The following PPP1R10 variants were observed in gnomAD, a reference collection of about 807,000 sequenced individuals.
The protein encoded by PPP1R10 is protein phosphatase 1 regulatory subunit 10.
In PPP1R10, 15 loss-of-function variants were observed where a neutral mutation model predicts 99.0. That is an observed-to-expected ratio of 0.15 (90% confidence interval 0.10 to 0.23). The LOEUF (loss-of-function observed/expected upper bound fraction) is 0.23. Ranked by LOEUF, PPP1R10 falls within the 10% of genes least tolerant of loss-of-function variation. The probability of loss-of-function intolerance (pLI) is 1.00; values close to 1 mark genes in which losing one functional copy is unlikely to be tolerated. For synonymous variants in PPP1R10, 430 were observed against 449.5 expected, an observed-to-expected ratio of 0.96 and a Z score of 0.55; for missense variants, 947 against 1,259.4, an observed-to-expected ratio of 0.75 and a Z score of 3.75.
chr6:30,603,239 T>G lies in PPP1R10; in HGVS notation c.1814A>C (p.Asp605Ala), dbSNP rs370422004. 1 of 1,613,882 alleles carries G rather than the reference T, an allele frequency of 6.2e-7. No homozygotes were observed. The highest frequency in any genetic ancestry group is 8.5e-7 in the Non-Finnish European group (1 of 1,179,774). ...CATCTGCTTGATCTTGTCCGAATAG[T>G]CTGGTTGTTTCAGTAGTTCCTCTGA... Reference protein sequence around the residue: ...HPSEELLKQPDYSDKIKQMLV... With the variant: ...HPSEELLKQPAYSDKIKQMLV... Residue 605 changes from aspartate to alanine, a missense_variant, in exon 17 of 20, where the codon GAC becomes GCC. Coordinates refer to ENST00000376511, the MANE Select transcript of PPP1R10 (RefSeq NM_002714.4).
rs1490397663 is a variant in PPP1R10 at position 30,602,416 on chromosome 6, T to C, written c.2233A>G (p.Met745Val). 2 of 1,609,854 alleles carry C rather than the reference T, an allele frequency of 1.2e-6. No homozygotes were observed. The highest frequency in any genetic ancestry group is 1.7e-6 in the Non-Finnish European group (2 of 1,178,168). ...PNGRGGPGGG[M>V]VGGGGHRPHE... is the part of the protein sequence containing the mutation. ...GGACGATGCCCACCACCTCCAACCA[T>C]GCCCCCACCAGGGCCCCCTCGTCCA... The change falls in exon 19 of 20, where the codon ATG becomes GTG. Residue 745 changes from methionine to valine, a missense_variant. Coordinates refer to ENST00000376511, the MANE Select transcript of PPP1R10 (RefSeq NM_002714.4). This position sits in a 1 kb window ranked among gnomAD's most constrained non-coding sequence, Gnocchi z 6.7.
chr6:30,603,377 T>C, intron 16 of PPP1R10, 92 bp from the exon 17 acceptor site: 20 of 1,573,914 alleles, frequency 1.3e-5, no homozygotes, highest in Non-Finnish European at 1.7e-5. Flanking sequence ...AGTGGGTAGA[T>C]GTGGAGAACT....
In PPP1R10 at chr6:30,609,310, G is replaced by A; in HGVS notation, c.108-147C>T. ...AGTCACATATACCTCTAGGAAGATG[G>A]GATGGATCCAGTGTGACATGGAAAC... On this transcript the variant is annotated intron_variant, in intron 3 of 19. Coordinates refer to ENST00000376511, the MANE Select transcript of PPP1R10 (RefSeq NM_002714.4). This position sits in a 1 kb window ranked among gnomAD's most constrained non-coding sequence, Gnocchi z 4.5. 1 of 685,052 alleles carries A rather than the reference G, an allele frequency of 1.5e-6. No homozygotes were observed. The highest frequency in any genetic ancestry group is 2.7e-5 in the East Asian group (1 of 37,046). 42.4% of individuals were successfully genotyped at this position (685,052 alleles called of 1,614,324 possible).
At position 30,601,469 on chromosome 6, in the gene PPP1R10, C is replaced by A; in HGVS notation, c.*80G>T. ...TCAGCTGGGGAAAAGGGAAAATGGG[C>A]CTCACAGAAGCCATAACAGGGTGGA... On this transcript the variant is annotated 3_prime_UTR_variant, in exon 20 of 20. Coordinates refer to ENST00000376511, the MANE Select transcript of PPP1R10 (RefSeq NM_002714.4). The A allele has an allele frequency of 8.2e-7, 1 of 1,224,214 alleles. No individual in the cohort carries two copies. The highest frequency in any genetic ancestry group is 1.2e-6 in the Non-Finnish European group (1 of 850,008). 75.8% of individuals were successfully genotyped at this position (1,224,214 alleles called of 1,614,324 possible). A position where few individuals can be genotyped will look rare whatever the true frequency, so the allele number is the denominator to read the frequency against.
At chr6:30,615,862 A>G (rs1760452970) in intron 2 of PPP1R10, among the ~76,000 whole-genome samples, 1 of 152,154 alleles carries the variant, frequency 6.6e-6, no homozygotes, top group South Asian at 2.1e-4. Context: ...TTATTCCTAG[A>G]TTGCCACCTA....
Position 30,606,196 on chromosome 6 carries a change from T to C in PPP1R10, c.682A>G (p.Ser228Gly). Reference protein sequence around the residue: ...PSLVPVKKNASTVVVSDKYNL... With the variant: ...PSLVPVKKNAGTVVVSDKYNL... Reference sequence around the variant, plus strand: ...TACTTGTCAGAAACCACCACTGTGCTGGCATTCTTCTTCACAGGCACCAAG... The same window carrying C: ...TACTTGTCAGAAACCACCACTGTGCCGGCATTCTTCTTCACAGGCACCAAG... The change falls in exon 9 of 20, where the codon AGC becomes GGC. Residue 228 changes from serine to glycine, a missense_variant. This residue lies in a region of PPP1R10 where 92 missense variants were observed against 159.2 expected (regional missense o/e 0.58). Transcript: ENST00000376511. This position sits in a 1 kb window ranked among gnomAD's most constrained non-coding sequence, Gnocchi z 6.3. 2 of 1,614,184 alleles carry C rather than the reference T, an allele frequency of 1.2e-6. No individual in the cohort carries two copies. Among genetic ancestry groups the C allele is most frequent in the Non-Finnish European group, 1.7e-6 (2 of 1,180,018 alleles).
chr6:30,604,319 A>C lies in PPP1R10; in HGVS notation c.1261+34T>G, dbSNP rs1803690295. 6.2e-7 allele frequency: 1 copy of C among 1,614,038 alleles called. No individual in the cohort carries two copies. Among genetic ancestry groups the C allele is most frequent in the Non-Finnish European group, 8.5e-7 (1 of 1,179,892 alleles). On this transcript the variant is annotated intron_variant, in intron 13 of 19. Transcript: ENST00000376511. The surrounding 1 kb of genome is among the most constrained non-coding windows in gnomAD (Gnocchi z 7.3). ...CAACCAAGTCCTTTCAAAATCCCTT[A>C]AACACACCTATTACGTAGGAAATGA...
In PPP1R10 at chr6:30,602,628, CG is replaced by C; in HGVS notation, c.2020del (p.Arg674GlyfsTer243). 1.3e-6 allele frequency: 2 copies of C among 1,591,824 alleles called. No individual in the cohort carries two copies. Among genetic ancestry groups the C allele is most frequent in the Admixed American group, 1.8e-5 (1 of 56,624 alleles). ...GCCATCCCAGAAGGGATCACCTCCC[CG>C]GGGAGGGGGTGGAGGACCCAGAAGA... Reference protein sequence around the residue: ...PRLLGPPPPPRGGDPFWDGPG... With the variant: ...PRLLGPPPPPXGGDPFWDGPG... On this transcript the variant is annotated frameshift_variant, in exon 19 of 20. Transcript: ENST00000376511. LOFTEE classifies it high-confidence loss of function. The surrounding 1 kb of genome is among the most constrained non-coding windows in gnomAD (Gnocchi z 6.7).
At position 30,614,861 on chromosome 6, in the gene PPP1R10, C is replaced by CAA. The variant is rs1760290597; in HGVS notation, c.-12+1616_-12+1617insTT. On this transcript the variant is annotated intron_variant, in intron 2 of 19. Transcript: ENST00000376511. ...TGGTTCTATAAAAACTAGAACTACA[C>CAA]AGAGATGGACAGCCTTGATACTTAA... Among the ~76,000 whole-genome samples, 3 of 152,328 alleles carry CAA rather than the reference C, an allele frequency of 2.0e-5. No individual in the cohort carries two copies. The South Asian group carries it at 6.2e-4, about 32-fold the overall frequency.
In PPP1R10 at chr6:30,601,980, C is replaced by G; in HGVS notation, c.2669G>C (p.Gly890Ala). 3.3e-6 allele frequency: 5 copies of G among 1,512,292 alleles called. No individual in the cohort carries two copies. Among genetic ancestry groups the G allele is most frequent in the Non-Finnish European group, 4.4e-6 (5 of 1,131,226 alleles). 93.7% of individuals were successfully genotyped at this position (1,512,292 alleles called of 1,614,324 possible). A position where few individuals can be genotyped will look rare whatever the true frequency, so the allele number is the denominator to read the frequency against. ...HRGHDGPGHG[G>A]GGHRGHDGGH... ...TCCATCGTGCCCTCGGTGGCCCCCT[C>G]CCCCGTGGCCAGGACCATCATGGCC... is the stretch of plus-strand genomic sequence containing the variant. The change falls in exon 19 of 20, where the codon GGA becomes GCA. Residue 890 changes from glycine to alanine, a missense_variant. Gly to Ala is a moderately conservative substitution (Grantham distance 60). Coordinates refer to ENST00000376511, the MANE Select transcript of PPP1R10 (RefSeq NM_002714.4).
intron 2 of PPP1R10, among the ~76,000 whole-genome samples, chr6:30,610,834 GC>G (rs1804480046): frequency 6.6e-6 from 1 of 152,204 alleles, no homozygotes; most frequent in Non-Finnish European, 1.5e-5. Flanking sequence ...AAAGCCAAAT[GC>G]TAGAAAAATT....
chr6:30,604,370 A>C lies in PPP1R10; in HGVS notation c.1244T>G (p.Leu415Trp), dbSNP rs377762218. 6.2e-7 allele frequency: 1 copy of C among 1,614,030 alleles called. No individual in the cohort carries two copies. The highest frequency in any genetic ancestry group is 8.5e-7 in the Non-Finnish European group (1 of 1,180,042). Reference protein sequence around the residue: ...GKLREYFYFELDETERVNVNK... With the variant: ...GKLREYFYFEWDETERVNVNK... ...CCTCTTACCTCGTTCAGTTTCATCC[A>C]ATTCAAAATAGAAATATTCTCTCAG... Residue 415 changes from leucine to tryptophan, a missense_variant, in exon 13 of 20, where the codon TTG becomes TGG. Leu to Trp is a moderately conservative substitution (Grantham distance 61). Transcript: ENST00000376511. This position sits in a 1 kb window ranked among gnomAD's most constrained non-coding sequence, Gnocchi z 7.3.
At chr6:30,608,676 T>C (rs1804225874) in intron 5 of PPP1R10, 103 bp downstream of exon 5, 1 of 1,376,672 alleles carries the variant, frequency 7.3e-7, no homozygotes, top group Middle Eastern at 2.1e-4. Flanking sequence ...TCTGCTGTTC[T>C]ACCTCACAGG....
intron 4 of PPP1R10, 33 bp from the exon 5 acceptor site, chr6:30,608,947 C>A (rs776769419): frequency 1.2e-6 from 2 of 1,613,758 alleles, no homozygotes; most frequent in Non-Finnish European, 1.7e-6. Context: ...ATCAGTAATG[C>A]CCTTTCTAGG....
intron 2 of PPP1R10, among the ~76,000 whole-genome samples, chr6:30,613,697 C>A (rs1804784226): frequency 6.6e-6 from 1 of 152,170 alleles, no homozygotes; most frequent in Admixed American, 6.5e-5. Context: ...CCAAGATTTT[C>A]TGAATGGATG....
intron 14 of PPP1R10, 22 bp downstream of exon 14, chr6:30,603,986 G>T: frequency 6.4e-7 from 1 of 1,561,854 alleles, no homozygotes; most frequent in Non-Finnish European, 8.7e-7. Flanking sequence ...ACATCCCAGG[G>T]CACGAACCCC....
chr6:30,606,166 G>A lies in PPP1R10; in HGVS notation c.712C>T (p.Leu238Phe). 3 of 1,614,154 alleles carry A rather than the reference G, an allele frequency of 1.9e-6. No homozygotes were observed. The highest frequency in any genetic ancestry group is 2.5e-6 in the Non-Finnish European group (3 of 1,180,026). ...STVVVSDKYN[L>F]KPIPLKRQSN... ...TGACGTTTGAGGGGGATGGGTTTAA[G>A]GTTGTACTTGTCAGAAACCACCACT... Residue 238 changes from leucine to phenylalanine, a missense_variant, in exon 9 of 20, where the codon CTT becomes TTT. Physicochemically the swap from Leu to Phe is conservative, Grantham distance 22. Around this residue, in one of 10 missense-constraint regions of PPP1R10, gnomAD observed 92 missense variants for 159.2 expected, o/e 0.58. Transcript: ENST00000376511. This position sits in a 1 kb window ranked among gnomAD's most constrained non-coding sequence, Gnocchi z 6.3.
Position 30,605,053 on chromosome 6 carries a change from G to A in PPP1R10, c.895C>T (p.Pro299Ser). The A allele has an allele frequency of 6.2e-7, 1 of 1,612,946 alleles. No homozygotes were observed. The highest frequency in any genetic ancestry group is 8.5e-7 in the Non-Finnish European group (1 of 1,179,992). ...TTCTTAATTTTGATGCCTGGAACAGGGGCTGAATTAAGAGCATCCAGAAAG... is the reference window on the plus strand; with the variant it reads ...TTCTTAATTTTGATGCCTGGAACAGAGGCTGAATTAAGAGCATCCAGAAAG... ...LGFLDALNSA[P>S]VPGIKIKKKK... The change falls in exon 11 of 20, where the codon CCT becomes TCT. Residue 299 changes from proline to serine, a missense_variant. Physicochemically the swap from Pro to Ser is moderately conservative, Grantham distance 74 (BLOSUM62 -1). Around this residue, in one of 10 missense-constraint regions of PPP1R10, gnomAD observed 26 missense variants for 56.6 expected, o/e 0.46. Coordinates refer to ENST00000376511, the MANE Select transcript of PPP1R10 (RefSeq NM_002714.4).
intron 16 of PPP1R10, 36 bp downstream of exon 16, chr6:30,603,436 C>A (rs1803583020): frequency 6.3e-7 from 1 of 1,597,158 alleles, no homozygotes; most frequent in Non-Finnish European, 8.6e-7. Context: ...TAAGGAGGCT[C>A]CACAGAAGGT....
Sources: allele counts gnomAD v4.1 joint callset (sites outside exome capture counted in the v4.1 genomes callset), GRCh38; gene constraint gnomAD v4.1.1; regional missense constraint gnomAD v4.1.1; non-coding constraint Gnocchi (gnomAD v3.1); transcripts MANE v1.5; gene names NCBI Gene and HGNC (gene_info 2026-07-23, HGNC 2026-07-21).